MFHAS1: variants seen among roughly 807,000 people sequenced by gnomAD.
The protein encoded by MFHAS1 is malignant fibrous histiocytoma-amplified sequence 1.
MFHAS1 carries 50 observed loss-of-function variants against 70.4 expected under a neutral mutation model. The ratio of observed to expected loss-of-function variants is 0.71; its 90% confidence interval spans 0.57 to 0.90. The LOEUF (loss-of-function observed/expected upper bound fraction) is 0.90. Among genes scored for constraint, MFHAS1 ranks in the 40% least tolerant of loss-of-function variants. MFHAS1 has a pLI of 0.00. For missense variants in MFHAS1, 1,795 were observed against 1,347.6 expected (o/e 1.33, Z -5.20); for synonymous variants, 952 against 620.0 (o/e 1.54, Z -7.96).
Position 8,893,005 on chromosome 8 carries a change from G to A in MFHAS1, c.54C>T (p.Ala18=), listed in dbSNP as rs893708760. ...TCCGCAGCTTCCTGGCACGCAGGGCGGCGTCCCGCCACAGCCTCGCGGTCT... is the reference window on the plus strand; with the variant it reads ...TCCGCAGCTTCCTGGCACGCAGGGCAGCGTCCCGCCACAGCCTCGCGGTCT... ...NLKTARLWRD[A]ALRARKLRSN... Residue 18 remains alanine (A), a synonymous_variant, in exon 1 of 3, where the codon GCC becomes GCT. Coordinates refer to ENST00000276282, the MANE Select transcript of MFHAS1 (RefSeq NM_004225.3). 6.5e-7 allele frequency: 1 copy of A among 1,535,666 alleles called. No individual in the cohort carries two copies. Among genetic ancestry groups the A allele is most frequent in the Non-Finnish European group, 8.7e-7 (1 of 1,144,148 alleles).
At chr8:8,828,704 T>C (rs1807254919) in intron 1 of MFHAS1, among the ~76,000 whole-genome samples, 1 of 152,186 alleles carries the variant, frequency 6.6e-6, no homozygotes, top group African/African-American at 2.4e-5. Context: ...AGTGACACTC[T>C]GTAATGCGGG....
At chr8:8,836,677 C>T (rs1422920690) in intron 1 of MFHAS1, among the ~76,000 whole-genome samples, 1 of 152,202 alleles carries the variant, frequency 6.6e-6, no homozygotes, top group African/African-American at 2.4e-5. Context: ...CTCGCCCAAC[C>T]ATCCACTTTT....
chr8:8,843,655 A>C (rs1807924318), intron 1 of MFHAS1, among the ~76,000 whole-genome samples: 1 of 152,192 alleles, frequency 6.6e-6, no homozygotes, highest in Admixed American at 6.5e-5. Context: ...GGAGAGAAAA[A>C]GAAGAAAGTG....
At position 8,784,475 on chromosome 8, in the gene MFHAS1, G is replaced by C. The variant is rs564953355; in HGVS notation, c.*1547C>G. 29 of 152,274 alleles carry C rather than the reference G, an allele frequency of 1.9e-4. No individual in the cohort carries two copies. The highest frequency in any genetic ancestry group is 6.7e-4 in the African/African-American group (28 of 41,560). 9.4% of individuals were successfully genotyped at this position (152,274 alleles called of 1,614,324 possible). ...TTATCATCATAAGAAATCATTCTCTGAACTGCAGGTTCTGGAGTCAGTGAA... is the reference window on the plus strand; with the variant it reads ...TTATCATCATAAGAAATCATTCTCTCAACTGCAGGTTCTGGAGTCAGTGAA... On this transcript the variant is annotated 3_prime_UTR_variant, in exon 3 of 3. Transcript: ENST00000276282.
chr8:8,809,031 T>C (rs1806445850), intron 1 of MFHAS1, among the ~76,000 whole-genome samples: 1 of 152,052 alleles, frequency 6.6e-6, no homozygotes, highest in Admixed American at 6.5e-5. Context: ...AGCATGAGAT[T>C]CTCATAAGAG....
intron 1 of MFHAS1, among the ~76,000 whole-genome samples, chr8:8,823,215 A>C (rs1319281118): frequency 2.6e-5 from 4 of 152,230 alleles, no homozygotes; most frequent in Admixed American, 6.5e-5. Context: ...TTTCTCATTA[A>C]CTGTAAATGT....
chr8:8,837,007 A>G (rs1251483254), intron 1 of MFHAS1, among the ~76,000 whole-genome samples: 3 of 152,254 alleles, frequency 2.0e-5, no homozygotes, highest in African/African-American at 4.8e-5. Context: ...AGAGATTTTA[A>G]GCATTTTTGT....
chr8:8,863,024 T>C (rs931916032), intron 1 of MFHAS1, among the ~76,000 whole-genome samples: 4 of 152,222 alleles, frequency 2.6e-5, no homozygotes, highest in East Asian at 1.9e-4. Context: ...AATTTGTGTA[T>C]ATAGTACAAG....
chr8:8,796,476 G>A (rs1442931705), intron 2 of MFHAS1, among the ~76,000 whole-genome samples: 1 of 151,902 alleles, frequency 6.6e-6, no homozygotes, highest in Non-Finnish European at 1.5e-5. Flanking sequence ...GAGGTCAGGA[G>A]ATCGAGATCA....
chr8:8,853,988 C>G (rs73190080), intron 1 of MFHAS1, among the ~76,000 whole-genome samples: 10 of 152,176 alleles, frequency 6.6e-5, no homozygotes, highest in African/African-American at 2.2e-4. Flanking sequence ...CACCAACCAA[C>G]TCCATGAACA....
chr8:8,862,567 T>C (rs1184204602), intron 1 of MFHAS1, among the ~76,000 whole-genome samples: 1 of 152,122 alleles, frequency 6.6e-6, no homozygotes, highest in Non-Finnish European at 1.5e-5. Context: ...TGTCTGCTGT[T>C]AGGGGGTGGA....
intron 1 of MFHAS1, among the ~76,000 whole-genome samples, chr8:8,887,913 A>G (rs1809832701): frequency 6.6e-6 from 1 of 150,684 alleles, no homozygotes; most frequent in African/African-American, 2.4e-5. Flanking sequence ...CAAAGTTCTT[A>G]GAAGATCTTT....
chr8:8,877,447 G>C (rs1357273579), intron 1 of MFHAS1, among the ~76,000 whole-genome samples: 2 of 152,076 alleles, frequency 1.3e-5, no homozygotes, highest in African/African-American at 4.8e-5. Flanking sequence ...TGGTAATTGT[G>C]TCAGATCCGA....
chr8:8,833,244 T>C (rs902332747), intron 1 of MFHAS1, among the ~76,000 whole-genome samples: 1 of 152,204 alleles, frequency 6.6e-6, no homozygotes, highest in Admixed American at 6.5e-5. Flanking sequence ...GGGGATTGCA[T>C]TTCAACATGA....
intron 1 of MFHAS1, among the ~76,000 whole-genome samples, chr8:8,850,616 T>A (rs1474910005): frequency 1.3e-5 from 2 of 151,972 alleles, no homozygotes; most frequent in Admixed American, 6.6e-5. Flanking sequence ...CCAAGCCAGG[T>A]GGATCACTAA....
At chr8:8,823,140 A>G (rs1288099869) in intron 1 of MFHAS1, among the ~76,000 whole-genome samples, 1 of 152,180 alleles carries the variant, frequency 6.6e-6, no homozygotes. Flanking sequence ...TTTCCTTTCA[A>G]ATTAGCTCAA....
chr8:8,824,547 A>G (rs3989404), intron 1 of MFHAS1, among the ~76,000 whole-genome samples: 6 of 52,820 alleles, frequency 1.1e-4, no homozygotes, highest in Middle Eastern at 8.8e-3. Flanking sequence ...ACACACACAC[A>G]CACACACACA....
intron 1 of MFHAS1, among the ~76,000 whole-genome samples, chr8:8,868,761 G>T (rs1808957831): frequency 6.6e-6 from 1 of 152,128 alleles, no homozygotes; most frequent in African/African-American, 2.4e-5. Flanking sequence ...AGTTATAAAT[G>T]ACTATGCAAC....
At chr8:8,807,777 C>A (rs1163188419) in intron 1 of MFHAS1, among the ~76,000 whole-genome samples, 4 of 152,170 alleles carry the variant, frequency 2.6e-5, no homozygotes, top group African/African-American at 9.7e-5. Flanking sequence ...CTTCCGAGGT[C>A]AATGTTGCAA....
Sources: gnomAD v4.1 joint callset for allele counts (sites outside exome capture counted in the v4.1 genomes callset) on GRCh38, gnomAD v4.1.1 for gene constraint, MANE v1.5 for transcripts, NCBI Gene and HGNC (gene_info 2026-07-23, HGNC 2026-07-21) for gene names.